Variants in KCNJ12 observed in about 807,000 individuals in gnomAD.
The protein encoded by KCNJ12 is potassium inwardly rectifying channel subfamily J member 12, also known as ATP-sensitive inward rectifier potassium channel 12.
In KCNJ12, 2 loss-of-function variants were observed where a neutral mutation model predicts 22.3. The ratio of observed to expected loss-of-function variants is 0.09; its 90% CI spans 0.04 to 0.28. The LOEUF (loss-of-function observed/expected upper bound fraction) is 0.28, where lower values mean the gene tolerates loss of function less well. KCNJ12 is among the 10% of genes least tolerant of loss of function. The pLI, the probability that KCNJ12 is intolerant of heterozygous loss-of-function variation, is 1.00. For missense variants in KCNJ12, 155 were observed against 633.3 expected, an observed-to-expected ratio of 0.24 and a Z score of 8.11; for synonymous variants, 117 against 261.4, an observed-to-expected ratio of 0.45 and a Z score of 5.33.
At chr17:21,406,519 G>A (rs1905946034) in intron 1 of KCNJ12, among the ~76,000 whole-genome samples, 1 of 152,306 alleles carries the variant, frequency 6.6e-6, no homozygotes, top group Non-Finnish European at 1.5e-5. Flanking sequence ...GAATGATGAG[G>A]GATGGGGAAG....
intron 1 of KCNJ12, among the ~76,000 whole-genome samples, chr17:21,400,923 A>AG (rs1905582517): frequency 6.6e-6 from 1 of 152,306 alleles, no homozygotes; most frequent in South Asian, 2.1e-4. Flanking sequence ...CCATGGGAGC[A>AG]GGGAGGAGAG....
At chr17:21,388,190 G>C (rs1905124794) in intron 1 of KCNJ12, among the ~76,000 whole-genome samples, 1 of 152,198 alleles carries the variant, frequency 6.6e-6, no homozygotes, top group South Asian at 2.1e-4. Flanking sequence ...AAGCCCTCAG[G>C]GAGTGGGTGG....
chr17:21,380,122 A>G (rs1256878537), intron 1 of KCNJ12, among the ~76,000 whole-genome samples: 2 of 152,146 alleles, frequency 1.3e-5, no homozygotes, highest in African/African-American at 2.4e-5. Context: ...CCTTACCACC[A>G]GGCAGGTCCC....
chr17:21,393,408 C>T (rs1339876701), intron 1 of KCNJ12, among the ~76,000 whole-genome samples: 1 of 152,126 alleles, frequency 6.6e-6, no homozygotes, highest in Non-Finnish European at 1.5e-5. Flanking sequence ...CACACCCTGC[C>T]CCACTGCTAG....
In KCNJ12 at chr17:21,388,253, C is replaced by T. The variant is rs181563943; in HGVS notation, c.-179+11340C>T. ...GTCATCCTCCTGGGTCTCTATGGCT[C>T]ACCCAGGGATGGGGAGCAGCGGCCT... On this transcript the variant is annotated intron_variant, in intron 1 of 2. Transcript: ENST00000583088. 2.9e-3 allele frequency among the ~76,000 whole-genome samples: 436 copies of T among 152,280 alleles called. 8 individuals carry two copies. Among genetic ancestry groups the T allele is most frequent in the Non-Finnish European group, 6.5e-4 (44 of 68,010 alleles).
At chr17:21,388,204 G>T (rs1905124848) in intron 1 of KCNJ12, among the ~76,000 whole-genome samples, 1 of 152,208 alleles carries the variant, frequency 6.6e-6, no homozygotes, top group Admixed American at 6.5e-5. Flanking sequence ...TGGGTGGGAT[G>T]CCCTGGCCAC....
chr17:21,407,744 C>T (rs1378378683), intron 1 of KCNJ12, among the ~76,000 whole-genome samples: 1 of 152,376 alleles, frequency 6.6e-6, no homozygotes, highest in Non-Finnish European at 1.5e-5. Context: ...ACCATCCATC[C>T]ATCCATCCAT....
chr17:21,403,222 C>G (rs1190449920), intron 1 of KCNJ12, among the ~76,000 whole-genome samples: 1 of 152,310 alleles, frequency 6.6e-6, no homozygotes, highest in African/African-American at 2.4e-5. Flanking sequence ...GTGGGACATT[C>G]CAGAGACATT....
intron 2 of KCNJ12, among the ~76,000 whole-genome samples, chr17:21,408,856 C>G (rs1226898181): frequency 2.0e-5 from 3 of 152,306 alleles, no homozygotes; most frequent in Non-Finnish European, 2.9e-5. Context: ...CATTCCCCCA[C>G]CCATTCATCT....
chr17:21,409,197 G>A (rs1432475766), intron 2 of KCNJ12, among the ~76,000 whole-genome samples: 39 of 152,422 alleles, frequency 2.6e-4, no homozygotes, highest in East Asian at 1.9e-3. Context: ...TGGCCTGAAC[G>A]GGAAAAGCCC....
chr17:21,382,895 G>A (rs1904924204), intron 1 of KCNJ12, among the ~76,000 whole-genome samples: 1 of 152,206 alleles, frequency 6.6e-6, no homozygotes, highest in Non-Finnish European at 1.5e-5. Flanking sequence ...CCACCCCAAG[G>A]GTGTACAGGA....
At chr17:21,399,777 C>T (rs1308258742) in intron 1 of KCNJ12, among the ~76,000 whole-genome samples, 2 of 152,188 alleles carry the variant, frequency 1.3e-5, no homozygotes, top group Non-Finnish European at 2.9e-5. Flanking sequence ...CCTGGAAGTC[C>T]TGAATTTCTA....
intron 1 of KCNJ12, among the ~76,000 whole-genome samples, chr17:21,402,488 C>T (rs73979804): frequency 3.3e-5 from 5 of 152,306 alleles, no homozygotes; most frequent in Non-Finnish European, 7.3e-5. Context: ...CAGGCCGTGG[C>T]GCGCTCACAG....
intron 1 of KCNJ12, among the ~76,000 whole-genome samples, chr17:21,395,468 A>C (rs1905325166): frequency 7.1e-6 from 1 of 140,578 alleles, no homozygotes; most frequent in South Asian, 2.4e-4. Context: ...AGTGAAACCC[A>C]CCTCTGGGAG....
intron 2 of KCNJ12, among the ~76,000 whole-genome samples, chr17:21,413,688 A>G (rs1657733): frequency 0.037 from 5,000 of 133,890 alleles, 1 homozygote; most frequent in African/African-American, 0.046. Context: ...CTGACAGGCC[A>G]GTGTGGGGCC....
chr17:21,392,365 C>A (rs1023740004), intron 1 of KCNJ12, among the ~76,000 whole-genome samples: 67 of 152,318 alleles, frequency 4.4e-4, no homozygotes, highest in African/African-American at 1.6e-3. Context: ...GTGGGCTGGG[C>A]CCCGAGGGAA....
At chr17:21,395,293 GAAAAAAAAA>G (rs1161884090) in intron 1 of KCNJ12, among the ~76,000 whole-genome samples, 1 of 55,656 alleles carries the variant, frequency 1.8e-5, no homozygotes, top group African/African-American at 4.0e-5. Context: ...AGATCCTAAA[GAAAAAAAAA>G]AAAAAAAAAA....
chr17:21,415,248 C>G, intron 2 of KCNJ12, 39 bp from the exon 3 acceptor site: 2 of 1,530,422 alleles, frequency 1.3e-6, no homozygotes, highest in South Asian at 2.4e-5. Context: ...GAGCCCGGAG[C>G]CACCAGCCCA....
chr17:21,392,808 G>C (rs1241311173), intron 1 of KCNJ12, among the ~76,000 whole-genome samples: 1 of 152,266 alleles, frequency 6.6e-6, no homozygotes, highest in Non-Finnish European at 1.5e-5. Context: ...CCTGAAGGTG[G>C]GTGTGGGCAG....
Sources: allele counts gnomAD v4.1 joint callset (sites outside exome capture counted in the v4.1 genomes callset), GRCh38; gene constraint gnomAD v4.1.1; transcripts MANE v1.5; gene names NCBI Gene and HGNC (gene_info 2026-07-23, HGNC 2026-07-21).